Variants in SHMT1 observed in about 807,000 individuals in gnomAD.
The protein encoded by SHMT1 is serine hydroxymethyltransferase 1.
In SHMT1, 45 loss-of-function variants were observed where a neutral mutation model predicts 49.0. That is an observed-to-expected ratio of 0.92 (90% confidence interval 0.72 to 1.18). SHMT1 has a LOEUF of 1.18. Among genes scored for constraint, SHMT1 ranks in the 50% most tolerant of loss-of-function variants. SHMT1 has a pLI of 0.00. For synonymous variants in SHMT1, 232 were observed against 246.6 expected, an observed-to-expected ratio of 0.94 and a Z score of 0.55; for missense variants, 541 against 612.4, an observed-to-expected ratio of 0.88 and a Z score of 1.23.
chr17:18,339,317 T>C (rs1168243431), intron 7 of SHMT1, among the ~76,000 whole-genome samples: 6 of 152,176 alleles, frequency 3.9e-5, no homozygotes. Flanking sequence ...AGTCTTTCTC[T>C]TTGAGAAACA....
At chr17:18,333,319 C>T (rs1341643967) in intron 8 of SHMT1, 31 bp from the exon 9 acceptor site, 1 of 1,609,620 alleles carries the variant, frequency 6.2e-7, no homozygotes, top group African/African-American at 1.3e-5. Context: ...GGTCAGGAGG[C>T]TAGGATAGAA....
chr17:18,349,288 C>T (rs962191522), intron 3 of SHMT1, among the ~76,000 whole-genome samples: 2 of 151,960 alleles, frequency 1.3e-5, no homozygotes, highest in African/African-American at 4.8e-5. Context: ...GGAGTGGTGG[C>T]GGGTGACTGT....
At chr17:18,355,112 G>A (rs1288410467) in intron 2 of SHMT1, among the ~76,000 whole-genome samples, 3 of 135,700 alleles carry the variant, frequency 2.2e-5, no homozygotes, top group Non-Finnish European at 3.1e-5. Flanking sequence ...GCTCACGCCT[G>A]TAATCCCAGC....
At position 18,328,617 on chromosome 17, in the gene SHMT1, A is replaced by T; in HGVS notation, c.*133T>A. On this transcript the variant is annotated 3_prime_UTR_variant, in exon 12 of 12. Coordinates refer to ENST00000316694, the MANE Select transcript of SHMT1 (RefSeq NM_004169.5). ...TGTGAAGAAAACATGAAAAAAGTCCAAAAGAAACCCCCTCAAAGGGCCCGA... is the reference window on the plus strand; with the variant it reads ...TGTGAAGAAAACATGAAAAAAGTCCTAAAGAAACCCCCTCAAAGGGCCCGA... The T allele has an allele frequency of 1.0e-6, 1 of 958,720 alleles. No individual in the cohort carries two copies. The highest frequency in any genetic ancestry group is 1.5e-6 in the Non-Finnish European group (1 of 650,606). The allele number at this position is 958,720 out of a possible 1,614,324, so 59.4% of individuals were successfully genotyped here.
chr17:18,341,151 A>G, intron 5 of SHMT1: 1 of 359,176 alleles, frequency 2.8e-6, no homozygotes. Flanking sequence ...CAAGACCAAA[A>G]TGCCTGCTAA....
chr17:18,355,951 C>T lies in SHMT1; in HGVS notation c.31G>A (p.Asp11Asn). MTMPVNGAHK[D>N]ADLWSSHDKM... ...TCATGTGAGGACCACAGGTCAGCAT[C>T]CTTGTGGGCCCCGTTGACTGGCATC... Residue 11 changes from aspartate to asparagine, a missense_variant, in exon 2 of 12, where the codon GAT becomes AAT. By Grantham distance (23) the Asp-to-Asn change is conservative (BLOSUM62 1). Transcript: ENST00000316694. The T allele has an allele frequency of 6.2e-7, 1 of 1,614,058 alleles. No individual in the cohort carries two copies. The highest frequency in any genetic ancestry group is 8.5e-7 in the Non-Finnish European group (1 of 1,179,936).
intron 7 of SHMT1, among the ~76,000 whole-genome samples, chr17:18,338,105 G>A (rs1290333252): frequency 2.6e-5 from 4 of 151,566 alleles, no homozygotes; most frequent in African/African-American, 7.3e-5. Context: ...CTTCCCGGCC[G>A]CCATCCCGTC....
Position 18,333,279 on chromosome 17 carries a change from A to G in SHMT1, c.941T>C (p.Val314Ala). ...CAGAGTCATAGCTTGCTTCAGTGCCACAGCAACCCCTGGACAAGAAGAGAC... is the reference window on the plus strand; with the variant it reads ...CAGAGTCATAGCTTGCTTCAGTGCCGCAGCAACCCCTGGACAAGAAGAGAC... ...PHNHAIAGVA[V>A]ALKQAMTLEF... Residue 314 changes from valine to alanine, a missense_variant, in exon 9 of 12, where the codon GTG becomes GCG. Coordinates refer to ENST00000316694, the MANE Select transcript of SHMT1 (RefSeq NM_004169.5). 6.2e-7 allele frequency: 1 copy of G among 1,613,478 alleles called. No homozygotes were observed. Among genetic ancestry groups the G allele is most frequent in the East Asian group, 2.2e-5 (1 of 44,884 alleles).
chr17:18,342,690 C>T (rs1266278373), intron 5 of SHMT1, among the ~76,000 whole-genome samples: 2 of 149,984 alleles, frequency 1.3e-5, no homozygotes, highest in African/African-American at 4.9e-5. Flanking sequence ...AGTTCCAGCA[C>T]TTTGGGAGGC....
chr17:18,340,406 C>A lies in SHMT1; in HGVS notation c.602-151G>T. The A allele has an allele frequency of 1.2e-6, 1 of 845,906 alleles. No individual in the cohort carries two copies. 52.4% of individuals were successfully genotyped at this position (845,906 alleles called of 1,614,324 possible). A position where few individuals can be genotyped will look rare whatever the true frequency, so the allele number is the denominator to read the frequency against. The stretch of plus-strand genomic sequence containing the variant: ...AAAAATGGAGAATGCCCTCAAAAAG[C>A]ACCTCTGTGCTAAAGGCAACCACTC... On this transcript the variant is annotated intron_variant, in intron 6 of 11. Coordinates refer to ENST00000316694, the MANE Select transcript of SHMT1 (RefSeq NM_004169.5). The surrounding 1 kb of genome is among the most constrained non-coding windows in gnomAD (Gnocchi z 4.5).
chr17:18,337,917 C>A (rs1192261263), intron 7 of SHMT1, among the ~76,000 whole-genome samples: 1 of 151,960 alleles, frequency 6.6e-6, no homozygotes, highest in East Asian at 1.9e-4. Flanking sequence ...GATCTCGGCT[C>A]GCTACAACCT....
chr17:18,361,837 T>A (rs562252305), intron 1 of SHMT1, among the ~76,000 whole-genome samples: 1 of 152,080 alleles, frequency 6.6e-6, no homozygotes, highest in African/African-American at 2.4e-5. Flanking sequence ...TCATTAACAT[T>A]CAGTAATACC....
At chr17:18,353,860 T>C in intron 2 of SHMT1, 43 bp from the exon 3 acceptor site, 1 of 1,598,732 alleles carries the variant, frequency 6.3e-7, no homozygotes. Flanking sequence ...GAAATTTTAG[T>C]TTAAAATTTT....
In SHMT1 at chr17:18,328,641, G is replaced by A. The variant is rs563883080; in HGVS notation, c.*109C>T. On this transcript the variant is annotated 3_prime_UTR_variant, in exon 12 of 12. Transcript: ENST00000316694. ...CAAAAGAAACCCCCTCAAAGGGCCC[G>A]AGTGTCAACAGTTCCCCTTTGGAGC... is the stretch of plus-strand genomic sequence containing the variant. The A allele has an allele frequency of 5.7e-6, 7 of 1,223,544 alleles. No individual in the cohort carries two copies. Among genetic ancestry groups the A allele is most frequent in the East Asian group, 2.5e-5 (1 of 39,230 alleles). The allele number at this position is 1,223,544 out of a possible 1,614,324, so 75.8% of individuals were successfully genotyped here. A position where few individuals can be genotyped will look rare whatever the true frequency, so the allele number is the denominator to read the frequency against.
intron 5 of SHMT1, chr17:18,341,193 G>A (rs1598034358): frequency 3.8e-6 from 1 of 262,366 alleles, no homozygotes; most frequent in South Asian, 5.0e-5. Flanking sequence ...AATGAGGCAA[G>A]AAAAAGAAAC....
In SHMT1 at chr17:18,348,434, A is replaced by G. The variant is rs2151591974; in HGVS notation, c.249T>C (p.Tyr83=). The G allele has an allele frequency of 3.7e-6, 6 of 1,609,660 alleles. No homozygotes were observed. The highest frequency in any genetic ancestry group is 1.1e-5 in the South Asian group (1 of 91,030). ...YSEGYPGQRY[Y]GGTEFIDELE... The stretch of plus-strand genomic sequence containing the variant: ...GTTCATCAATAAACTCAGTCCCGCC[A>G]TAGTATCTGTGGGAGAAGAGCAGGA... Residue 83 remains tyrosine (Y), a synonymous_variant, in exon 4 of 12, where the codon TAT becomes TAC. Coordinates refer to ENST00000316694, the MANE Select transcript of SHMT1 (RefSeq NM_004169.5).
chr17:18,337,753 TG>T (rs1983974483), intron 7 of SHMT1, among the ~76,000 whole-genome samples: 1 of 152,226 alleles, frequency 6.6e-6, no homozygotes, highest in South Asian at 2.1e-4. Context: ...CGTATTTTTT[TG>T]GTGGAGACGG....
At chr17:18,356,042 T>C (rs1986212013) in intron 1 of SHMT1, 42 bp from the exon 2 acceptor site, 5 of 844,906 alleles carry the variant, frequency 5.9e-6, no homozygotes, top group Non-Finnish European at 9.3e-6. Context: ...CAGAATTAAA[T>C]TTATTTATTT....
chr17:18,352,272 A>G (rs1255322000), intron 3 of SHMT1, among the ~76,000 whole-genome samples: 1 of 147,500 alleles, frequency 6.8e-6, no homozygotes, highest in Non-Finnish European at 1.5e-5. Flanking sequence ...TCAGCCTCCC[A>G]CGTAGCTGGG....
Sources: gnomAD v4.1 joint callset for allele counts (sites outside exome capture counted in the v4.1 genomes callset) on GRCh38, gnomAD v4.1.1 for gene constraint, Gnocchi (gnomAD v3.1) non-coding constraint, MANE v1.5 for transcripts, NCBI Gene and HGNC (gene_info 2026-07-23, HGNC 2026-07-21) for gene names.